Variants in AMTN observed in about 807,000 individuals in gnomAD.
AMTN encodes the protein RSTI689.
In AMTN, 29 loss-of-function variants were observed where a neutral mutation model predicts 27.4. The ratio of observed to expected loss-of-function variants is 1.06; its 90% CI spans 0.79 to 1.44. The LOEUF (loss-of-function observed/expected upper bound fraction) is 1.44. Ranked by LOEUF, AMTN falls within the 40% of genes most tolerant of loss-of-function variation. The pLI is 0.00. For missense variants in AMTN, 247 were observed against 248.8 expected (o/e 0.99, Z 0.05); for synonymous variants, 86 against 95.7 (o/e 0.90, Z 0.59).
chr4:70,525,111 C>T, intron 5 of AMTN, 150 bp downstream of exon 5: 4 of 675,034 alleles, frequency 5.9e-6, no homozygotes, highest in South Asian at 1.9e-5. Context: ...CAGTATTTGA[C>T]AATCTGGTTC....
chr4:70,529,972 A>G (rs1736186716), intron 7 of AMTN, among the ~76,000 whole-genome samples: 1 of 149,636 alleles, frequency 6.7e-6, no homozygotes, highest in Non-Finnish European at 1.5e-5. Context: ...CTATATAACC[A>G]GCACTTTAGC....
chr4:70,522,733 T>C, intron 2 of AMTN, 22 bp from the exon 3 acceptor site: 1 of 1,612,144 alleles, frequency 6.2e-7, no homozygotes, highest in African/African-American at 1.3e-5. Flanking sequence ...CCTCATCAAA[T>C]ATGTATTTGT....
chr4:70,532,521 T>C lies in AMTN; in HGVS notation c.*56T>C, dbSNP rs568454995. 151 of 1,501,364 alleles carry C rather than the reference T, an allele frequency of 1.0e-4. 3 individuals are homozygous for C. The South Asian group carries it at 1.7e-3, about 17-fold the overall frequency. The allele number at this position is 1,501,364 out of a possible 1,614,324, so 93.0% of individuals were successfully genotyped here. On this transcript the variant is annotated 3_prime_UTR_variant, in exon 9 of 9. Transcript: ENST00000339336. ...TCGAATTTGGTGATACATGTGAATCTTTATCATTGATTATATTATGGAATA... is the reference window on the plus strand; with the variant it reads ...TCGAATTTGGTGATACATGTGAATCCTTATCATTGATTATATTATGGAATA...
intron 5 of AMTN, among the ~76,000 whole-genome samples, chr4:70,527,764 T>C (rs190548321): frequency 2.8e-4 from 43 of 152,358 alleles, no homozygotes; most frequent in African/African-American, 9.9e-4. Context: ...TTAGCTTTCT[T>C]TGACAAACTT....
rs927015090 is a variant in AMTN at position 70,530,953 on chromosome 4, A to G, written c.358-86A>G. 9.9e-6 allele frequency: 15 copies of G among 1,520,330 alleles called. No individual in the cohort carries two copies. The Admixed American group carries it at 2.8e-4, about 29-fold the overall frequency. 94.2% of individuals were successfully genotyped at this position (1,520,330 alleles called of 1,614,324 possible). On this transcript the variant is annotated intron_variant, in intron 7 of 8. Transcript: ENST00000339336. ...CTGACTTTACTCTCTCCATCTTTCC[A>G]TTCCTACCCAAACTTGCTCCCCTTA...
intron 2 of AMTN, among the ~76,000 whole-genome samples, chr4:70,520,616 C>A (rs1412612449): frequency 6.6e-6 from 1 of 152,142 alleles, no homozygotes; most frequent in African/African-American, 2.4e-5. Context: ...TGAGATGGAT[C>A]ATTGAATAAA....
chr4:70,529,292 A>G (rs2109774576), intron 7 of AMTN, 82 bp downstream of exon 7: 3 of 1,063,910 alleles, frequency 2.8e-6, no homozygotes, highest in South Asian at 2.1e-5. Flanking sequence ...TCTTTTGACC[A>G]TAAATCCTAA....
In AMTN at chr4:70,531,193, G is replaced by T; in HGVS notation, c.512G>T (p.Arg171Leu). 1 of 1,613,974 alleles carries T rather than the reference G, an allele frequency of 6.2e-7. No homozygotes were observed. Among genetic ancestry groups the T allele is most frequent in the Non-Finnish European group, 8.5e-7 (1 of 1,179,996 alleles). The stretch of plus-strand genomic sequence containing the variant: ...GCCACCCAGGGAACCCCAGCAGGCC[G>T]CCTCCCAACTCCCAGTGGCACAGAT... The part of the protein sequence containing the change: ...NPATQGTPAG[R>L]LPTPSGTDDD... The change falls in exon 8 of 9, where the codon CGC becomes CTC. Residue 171 changes from arginine (R) to leucine (L), a missense_variant. Coordinates refer to ENST00000339336, the MANE Select transcript of AMTN (RefSeq NM_212557.4).
chr4:70,531,245 A>C lies in AMTN; in HGVS notation c.564A>C (p.Ala188=), dbSNP rs774273937. The C allele has an allele frequency of 1.9e-6, 3 of 1,614,060 alleles. No individual in the cohort carries two copies. Among genetic ancestry groups the C allele is most frequent in the Non-Finnish European group, 2.5e-6 (3 of 1,179,952 alleles). ...TDDDFAVTTP[A]GIQRSTHAIE... ...ACGACTTTGCAGTGACCACCCCTGCAGGCATCCAAAGGAGCACACATGCCA... is the reference window on the plus strand; with the variant it reads ...ACGACTTTGCAGTGACCACCCCTGCCGGCATCCAAAGGAGCACACATGCCA... Residue 188 remains alanine, a synonymous_variant, in exon 8 of 9, where the codon GCA becomes GCC. Coordinates refer to ENST00000339336, the MANE Select transcript of AMTN (RefSeq NM_212557.4).
chr4:70,523,495 G>A (rs1044001003), intron 3 of AMTN, among the ~76,000 whole-genome samples: 1 of 152,100 alleles, frequency 6.6e-6, no homozygotes, highest in South Asian at 2.1e-4. Flanking sequence ...GAACACTCAA[G>A]TCAAGACCCA....
chr4:70,529,988 C>G (rs1736187115), intron 7 of AMTN, among the ~76,000 whole-genome samples: 1 of 145,474 alleles, frequency 6.9e-6, no homozygotes, highest in Non-Finnish European at 1.5e-5. Context: ...TTAGCAGATC[C>G]TTTACATATG....
At position 70,523,767 on chromosome 4, in the gene AMTN, A is replaced by G. The variant is rs1736029793; in HGVS notation, c.139-101A>G. ...CTTTATTTACCTTCATGGTAAACCC[A>G]CCTCTGACAGGACTGTCAATTACAT... On this transcript the variant is annotated intron_variant, in intron 3 of 8. Coordinates refer to ENST00000339336, the MANE Select transcript of AMTN (RefSeq NM_212557.4). 4.9e-6 allele frequency: 5 copies of G among 1,019,542 alleles called. No individual in the cohort carries two copies. In the Admixed American group the frequency reaches 7.8e-5, roughly 16 times the overall value. 63.2% of individuals were successfully genotyped at this position (1,019,542 alleles called of 1,614,324 possible).
chr4:70,519,138 C>T (rs1735890361), intron 2 of AMTN, among the ~76,000 whole-genome samples: 1 of 151,928 alleles, frequency 6.6e-6, no homozygotes, highest in Non-Finnish European at 1.5e-5. Context: ...TTTTATTTTC[C>T]AAAAAGAAGT....
rs1383298241 is a variant in AMTN at position 70,522,977 on chromosome 4, G to A, written c.138+139G>A. On this transcript the variant is annotated intron_variant, in intron 3 of 8. Coordinates refer to ENST00000339336, the MANE Select transcript of AMTN (RefSeq NM_212557.4). ...GAAGACTGTACAAGACTGAACAAGA[G>A]AGAGGCTTTTCGTTTGGGAGTGGGG... 7 of 721,138 alleles carry A rather than the reference G, an allele frequency of 9.7e-6. No individual in the cohort carries two copies. In the Middle Eastern group the frequency reaches 7.7e-4, roughly 79 times the overall value. 44.7% of individuals were successfully genotyped at this position (721,138 alleles called of 1,614,324 possible).
At chr4:70,521,865 C>T (rs1003734266) in intron 2 of AMTN, among the ~76,000 whole-genome samples, 2 of 151,974 alleles carry the variant, frequency 1.3e-5, no homozygotes, top group East Asian at 1.9e-4. Context: ...AGTGGTCCGC[C>T]CGCCTTGGCC....
At chr4:70,528,108 T>G (rs1736137127) in intron 5 of AMTN, among the ~76,000 whole-genome samples, 1 of 152,192 alleles carries the variant, frequency 6.6e-6, no homozygotes, top group Admixed American at 6.5e-5. Flanking sequence ...TTAACATTAT[T>G]GTTACTTGAA....
chr4:70,529,785 T>C (rs1316199973), intron 7 of AMTN, among the ~76,000 whole-genome samples: 4 of 152,124 alleles, frequency 2.6e-5, no homozygotes, highest in Non-Finnish European at 2.9e-5. Flanking sequence ...TATCTAAACA[T>C]GACAACAGTA....
At position 70,518,790 on chromosome 4, in the gene AMTN, A is replaced by C. The variant is rs1735877891; in HGVS notation, c.13A>C (p.Ile5Leu). Reference protein sequence around the residue: MRSTILLFCLLGSTR... With the variant: MRSTLLLFCLLGSTR... ...AGCAATCTGAAACATGAGGAGTACGATTCTACTGTTTTGTCTTCTAGGATC... is the reference window on the plus strand; with the variant it reads ...AGCAATCTGAAACATGAGGAGTACGCTTCTACTGTTTTGTCTTCTAGGATC... Residue 5 changes from isoleucine to leucine, a missense_variant, in exon 2 of 9, where the codon ATT (isoleucine) becomes CTT (leucine). Physicochemically the swap from Ile to Leu is conservative, Grantham distance 5. Coordinates refer to ENST00000339336, the MANE Select transcript of AMTN (RefSeq NM_212557.4). 1 of 1,607,634 alleles carries C rather than the reference A, an allele frequency of 6.2e-7. No individual in the cohort carries two copies. The highest frequency in any genetic ancestry group is 1.7e-5 in the Admixed American group (1 of 59,960).
chr4:70,519,936 G>T (rs993056594), intron 2 of AMTN, among the ~76,000 whole-genome samples: 1 of 151,368 alleles, frequency 6.6e-6, no homozygotes, highest in Non-Finnish European at 1.5e-5. Context: ...GTGTGTGTCT[G>T]TGTGTGTGTG....
Sources: gnomAD v4.1 joint callset for allele counts (sites outside exome capture counted in the v4.1 genomes callset) on GRCh38, gnomAD v4.1.1 for gene constraint, MANE v1.5 for transcripts, NCBI Gene and HGNC (gene_info 2026-07-23, HGNC 2026-07-21) for gene names.